KCND3: variants seen among roughly 807,000 people sequenced by gnomAD.
The protein encoded by KCND3 is A-type voltage-gated potassium channel KCND3.
In KCND3, 9 loss-of-function variants were observed where a neutral mutation model predicts 51.1. The ratio of observed to expected loss-of-function variants is 0.18; its 90% CI spans 0.11 to 0.31. The LOEUF (loss-of-function observed/expected upper bound fraction) is 0.31, where lower values mean the gene tolerates loss of function less well. Ranked by LOEUF, KCND3 falls within the 10% of genes least tolerant of loss-of-function variation. KCND3 has a pLI of 1.00. For missense variants in KCND3, 526 were observed against 903.8 expected (o/e 0.58, Z 5.36); for synonymous variants, 349 against 368.0 (o/e 0.95, Z 0.59).
chr1:111,835,332 T>C (rs1667022505), intron 2 of KCND3, among the ~76,000 whole-genome samples: 1 of 152,230 alleles, frequency 6.6e-6, no homozygotes, highest in Non-Finnish European at 1.5e-5. Flanking sequence ...TGTGTCATTT[T>C]ATGTAAATCC....
intron 2 of KCND3, among the ~76,000 whole-genome samples, chr1:111,934,787 G>A (rs1215632520): frequency 6.6e-6 from 1 of 152,130 alleles, no homozygotes; most frequent in East Asian, 1.9e-4. Flanking sequence ...CTAGCAGTTC[G>A]GTGAATTTGG....
chr1:111,929,309 CA>C (rs1377669798), intron 2 of KCND3, among the ~76,000 whole-genome samples: 1 of 152,164 alleles, frequency 6.6e-6, no homozygotes, highest in Non-Finnish European at 1.5e-5. Context: ...TGACTTTACC[CA>C]AGTGGTTTCC....
intron 2 of KCND3, among the ~76,000 whole-genome samples, chr1:111,872,517 C>T (rs1402974811): frequency 6.6e-6 from 1 of 152,176 alleles, no homozygotes; most frequent in Non-Finnish European, 1.5e-5. Context: ...AGAAGGCTCT[C>T]ATAAAGTCAT....
chr1:111,946,738 T>G (rs965315669), intron 2 of KCND3, among the ~76,000 whole-genome samples: 2 of 152,118 alleles, frequency 1.3e-5, no homozygotes, highest in Non-Finnish European at 2.9e-5. Context: ...TTGCAGGGGG[T>G]TTATCCATAT....
intron 3 of KCND3, among the ~76,000 whole-genome samples, chr1:111,781,719 A>G (rs998850382): frequency 2.6e-5 from 4 of 152,168 alleles, no homozygotes; most frequent in African/African-American, 4.8e-5. Context: ...GGGTTTCACC[A>G]TGTATCACCA....
At chr1:111,934,152 G>A (rs556232917) in intron 2 of KCND3, among the ~76,000 whole-genome samples, 1 of 152,294 alleles carries the variant, frequency 6.6e-6, no homozygotes, top group African/African-American at 2.4e-5. Context: ...TCGCCAGGTT[G>A]CTGTCTCCTC....
intron 2 of KCND3, among the ~76,000 whole-genome samples, chr1:111,829,522 T>C (rs1270109853): frequency 6.6e-6 from 1 of 152,128 alleles, no homozygotes; most frequent in Non-Finnish European, 1.5e-5. Flanking sequence ...AGAATGGTCT[T>C]CAGGGATGGG....
At chr1:111,887,996 G>A (rs1329931417) in intron 2 of KCND3, among the ~76,000 whole-genome samples, 1 of 152,254 alleles carries the variant, frequency 6.6e-6, no homozygotes, top group Admixed American at 6.5e-5. Context: ...CAGCCCACAA[G>A]CCAACACAGT....
At chr1:111,939,162 T>G (rs1333882334) in intron 2 of KCND3, among the ~76,000 whole-genome samples, 1 of 152,238 alleles carries the variant, frequency 6.6e-6, no homozygotes, top group African/African-American at 2.4e-5. Flanking sequence ...GTCCTGGATC[T>G]CAGGCCAAAC....
At chr1:111,903,071 A>T (rs1474424562) in intron 2 of KCND3, among the ~76,000 whole-genome samples, 1 of 152,172 alleles carries the variant, frequency 6.6e-6, no homozygotes, top group Non-Finnish European at 1.5e-5. Context: ...CTTTCATCCA[A>T]TATGCTTTGG....
rs114054406 is a variant in KCND3, at chr1:111,792,426, C to T, written c.1107-5320G>A. On this transcript the variant is annotated intron_variant, in intron 2 of 7. Coordinates refer to ENST00000302127, the MANE Select transcript of KCND3 (RefSeq NM_001378969.1). ...CGTCATATCCTGCTCCTCCCAGGGT[C>T]AGGGAAGGACAGAAGGGGAAGTGAG... is the stretch of plus-strand genomic sequence containing the variant. Among the ~76,000 whole-genome samples the T allele has an allele frequency of 1.7e-3, 260 of 152,280 alleles. 3 individuals carry two copies. The highest frequency in any genetic ancestry group is 6.0e-3 in the African/African-American group (248 of 41,556).
chr1:111,959,528 A>AG (rs1367656910), intron 2 of KCND3, among the ~76,000 whole-genome samples: 5 of 152,088 alleles, frequency 3.3e-5, no homozygotes, highest in Non-Finnish European at 7.4e-5. Context: ...GGAAGCTTCC[A>AG]GGGGCTCCTG....
At chr1:111,914,122 G>A (rs1229540591) in intron 2 of KCND3, among the ~76,000 whole-genome samples, 1 of 151,760 alleles carries the variant, frequency 6.6e-6, no homozygotes, top group Non-Finnish European at 1.5e-5. Context: ...AGATAGAAAA[G>A]TGACCCCAAT....
chr1:111,892,450 C>A (rs377681444), intron 2 of KCND3, among the ~76,000 whole-genome samples: 2 of 152,172 alleles, frequency 1.3e-5, no homozygotes, highest in Non-Finnish European at 2.9e-5. Flanking sequence ...CCCATAGCAA[C>A]AATTCATGTG....
At chr1:111,893,257 G>A (rs1357977881) in intron 2 of KCND3, among the ~76,000 whole-genome samples, 1 of 152,218 alleles carries the variant, frequency 6.6e-6, no homozygotes, top group African/African-American at 2.4e-5. Context: ...ACTCTGGCTG[G>A]GCAGACAGCT....
chr1:111,801,235 C>T (rs1034520142), intron 2 of KCND3, among the ~76,000 whole-genome samples: 5 of 152,186 alleles, frequency 3.3e-5, no homozygotes, highest in Non-Finnish European at 5.9e-5. Context: ...TGGGAGAAAG[C>T]GGGAAGGTGG....
intron 2 of KCND3, among the ~76,000 whole-genome samples, chr1:111,972,583 T>C (rs553603031): frequency 4.6e-5 from 7 of 152,354 alleles, no homozygotes; most frequent in Admixed American, 2.0e-4. Context: ...CAAAATCCTA[T>C]TCACCATTGT....
chr1:111,959,173 C>G (rs1266974559), intron 2 of KCND3, among the ~76,000 whole-genome samples: 1 of 152,204 alleles, frequency 6.6e-6, no homozygotes, highest in African/African-American at 2.4e-5. Flanking sequence ...TTCTGTGTAT[C>G]AAAGGGATTC....
chr1:111,982,014 G>C lies in KCND3; in HGVS notation c.713C>G (p.Thr238Ser). The C allele has an allele frequency of 6.2e-7, 1 of 1,613,920 alleles. No individual in the cohort carries two copies. ...GAAGAGCCGCAGGAGGTACTCCACG[G>C]TGAAGATCATGACGCACGCCGTGTC... ...CLDTACVMIF[T>S]VEYLLRLFAA... The change falls in exon 2 of 8, where the codon ACC becomes AGC. Residue 238 changes from threonine to serine, a missense_variant. By Grantham distance (58) the Thr-to-Ser change is moderately conservative (BLOSUM62 1). Coordinates refer to ENST00000302127, the MANE Select transcript of KCND3 (RefSeq NM_001378969.1). This position sits in a 1 kb window ranked among gnomAD's most constrained non-coding sequence, Gnocchi z 8.5.
Sources: gnomAD v4.1 joint callset for allele counts (sites outside exome capture counted in the v4.1 genomes callset) on GRCh38, gnomAD v4.1.1 for gene constraint, Gnocchi (gnomAD v3.1) non-coding constraint, MANE v1.5 for transcripts, NCBI Gene and HGNC (gene_info 2026-07-23, HGNC 2026-07-21) for gene names.